The following ERMP1 variants were observed in gnomAD, a reference collection of about 807,000 sequenced individuals.
ERMP1 encodes the protein endoplasmic reticulum metallopeptidase 1.
ERMP1 carries 86 observed loss-of-function variants against 92.0 expected under a neutral mutation model. The ratio of observed to expected loss-of-function variants is 0.93; its 90% confidence interval spans 0.79 to 1.12. The LOEUF (loss-of-function observed/expected upper bound fraction) is 1.12. ERMP1 is among the 50% of genes most tolerant of loss of function. The pLI is 0.00. For missense variants in ERMP1, 1,342 were observed against 1,116.3 expected (o/e 1.20, Z -2.88); for synonymous variants, 530 against 412.8 (o/e 1.28, Z -3.44).
chr9:5,791,659 A>G (rs1828202936), intron 13 of ERMP1, among the ~76,000 whole-genome samples: 3 of 152,154 alleles, frequency 2.0e-5, no homozygotes, highest in African/African-American at 7.2e-5. Flanking sequence ...GAAGATGAGA[A>G]AATGTCATAT....
intron 6 of ERMP1, among the ~76,000 whole-genome samples, chr9:5,849,578 C>T (rs1166417095): frequency 6.6e-6 from 1 of 152,170 alleles, no homozygotes; most frequent in African/African-American, 2.4e-5. Flanking sequence ...TAAACAAAGT[C>T]ATGGTTTGGT....
intron 6 of ERMP1, among the ~76,000 whole-genome samples, chr9:5,856,804 G>A (rs1830378793): frequency 1.3e-5 from 2 of 152,090 alleles, no homozygotes; most frequent in Admixed American, 1.3e-4. Context: ...AATATATATT[G>A]TTGATTCACT....
chr9:5,843,069 G>A (rs757709301), intron 6 of ERMP1, among the ~76,000 whole-genome samples: 1 of 152,238 alleles, frequency 6.6e-6, no homozygotes, highest in Non-Finnish European at 1.5e-5. Flanking sequence ...TATTATGTCA[G>A]CAAGGTAATT....
chr9:5,808,786 G>A (rs1828968239), intron 8 of ERMP1, among the ~76,000 whole-genome samples: 1 of 152,152 alleles, frequency 6.6e-6, no homozygotes, highest in Non-Finnish European at 1.5e-5. Flanking sequence ...CCCCTAGGCT[G>A]GAGTGCAGTG....
chr9:5,792,318 AAAG>A (rs1481162802), intron 13 of ERMP1, among the ~76,000 whole-genome samples: 1 of 152,216 alleles, frequency 6.6e-6, no homozygotes, highest in Non-Finnish European at 1.5e-5. Context: ...GCAGCACCAT[AAAG>A]AATATCCTAG....
intron 8 of ERMP1, among the ~76,000 whole-genome samples, chr9:5,808,077 G>A (rs1415140890): frequency 6.6e-6 from 1 of 151,932 alleles, no homozygotes; most frequent in Non-Finnish European, 1.5e-5. Flanking sequence ...TTCCTGCCTT[G>A]GCCTCCCAAT....
At chr9:5,797,794 GA>G (rs1828495109) in intron 13 of ERMP1, 22 bp downstream of exon 13, 2 of 1,440,152 alleles carry the variant, frequency 1.4e-6, no homozygotes, top group Non-Finnish European at 1.9e-6. Flanking sequence ...AAGGAGGGGA[GA>G]AAAAACTATT....
chr9:5,861,170 G>A (rs7026604), intron 5 of ERMP1, among the ~76,000 whole-genome samples: 1 of 102,078 alleles, frequency 9.8e-6, no homozygotes. Flanking sequence ...TGGCTTAGGG[G>A]GTGTGTGTGT....
intron 10 of ERMP1, 89 bp from the exon 11 acceptor site, chr9:5,801,417 T>C: frequency 7.7e-7 from 1 of 1,304,090 alleles, no homozygotes; most frequent in South Asian, 1.5e-5. Flanking sequence ...TTAACAGTAT[T>C]ACCTAACAGC....
At chr9:5,805,242 C>T (rs1051976378) in intron 9 of ERMP1, 25 bp from the exon 10 acceptor site, 1 of 1,558,852 alleles carries the variant, frequency 6.4e-7, no homozygotes, top group East Asian at 2.3e-5. Flanking sequence ...AAAAAAAGCA[C>T]ACATCTATGA....
chr9:5,787,713 T>A, intron 13 of ERMP1, 120 bp from the exon 14 acceptor site: 1 of 964,264 alleles, frequency 1.0e-6, no homozygotes, highest in Non-Finnish European at 1.5e-6. Flanking sequence ...ATACTTACTA[T>A]AAACCTAATG....
chr9:5,866,379 G>C (rs1830662437), intron 5 of ERMP1, among the ~76,000 whole-genome samples: 1 of 152,186 alleles, frequency 6.6e-6, no homozygotes, highest in South Asian at 2.1e-4. Flanking sequence ...AGGATAAGTA[G>C]GCAGAGGATT....
chr9:5,792,058 G>A (rs1252965488), intron 13 of ERMP1, among the ~76,000 whole-genome samples: 2 of 152,162 alleles, frequency 1.3e-5, no homozygotes, highest in Non-Finnish European at 2.9e-5. Flanking sequence ...GTAGGAGGTA[G>A]TACCAAGAAG....
chr9:5,788,592 A>G (rs1158371263), intron 13 of ERMP1, among the ~76,000 whole-genome samples: 2 of 152,204 alleles, frequency 1.3e-5, no homozygotes, highest in African/African-American at 2.4e-5. Flanking sequence ...ACTGACAGAA[A>G]AGGAAGCCAT....
At chr9:5,864,992 G>A (rs1304548377) in intron 5 of ERMP1, among the ~76,000 whole-genome samples, 1 of 152,070 alleles carries the variant, frequency 6.6e-6, no homozygotes, top group African/African-American at 2.4e-5. Context: ...AAAAATCACT[G>A]AAGGAAAAAT....
At chr9:5,791,171 C>G (rs1828179171) in intron 13 of ERMP1, 1 of 454,896 alleles carries the variant, frequency 2.2e-6, no homozygotes, top group Non-Finnish European at 4.4e-6. Flanking sequence ...AGGATGTGTA[C>G]AGAGAGAAAG....
At chr9:5,861,852 T>A (rs1830507369) in intron 5 of ERMP1, among the ~76,000 whole-genome samples, 1 of 148,626 alleles carries the variant, frequency 6.7e-6, no homozygotes, top group African/African-American at 2.5e-5. Context: ...CCTGGGGAGA[T>A]GGCTCCTGGC....
chr9:5,791,423 G>A, intron 13 of ERMP1: 1 of 411,158 alleles, frequency 2.4e-6, no homozygotes, highest in South Asian at 1.8e-5. Context: ...AGGGCAATCT[G>A]CTTTACTCGA....
chr9:5,834,908 A>G (rs1366235071), upstream of ERMP1, among the ~76,000 whole-genome samples: 2 of 148,214 alleles, frequency 1.3e-5, no homozygotes, highest in Admixed American at 6.8e-5. Flanking sequence ...GTGGTAATGC[A>G]GATGATACCT....
Sources: allele counts gnomAD v4.1 joint callset (sites outside exome capture counted in the v4.1 genomes callset), GRCh38; gene constraint gnomAD v4.1.1; transcripts MANE v1.5; gene names NCBI Gene and HGNC (gene_info 2026-07-23, HGNC 2026-07-21).